The following PPFIA1 variants were observed in gnomAD, a reference collection of about 807,000 sequenced individuals.
PPFIA1 encodes liprin-alpha-1.
Under a neutral mutation model 149.9 loss-of-function variants are expected in PPFIA1, and 25 were observed. The observed-to-expected ratio is 0.17, with a 90% confidence interval of 0.12 to 0.23. PPFIA1 has a LOEUF of 0.23. Ranked by LOEUF, PPFIA1 falls within the 10% of genes least tolerant of loss-of-function variation. The pLI is 1.00. For synonymous variants in PPFIA1, 549 were observed against 552.8 expected, an observed-to-expected ratio of 0.99 and a Z score of 0.10; for missense variants, 1,362 against 1,506.5, an observed-to-expected ratio of 0.90 and a Z score of 1.59.
At chr11:70,282,707 T>C (rs2050840177) in intron 2 of PPFIA1, among the ~76,000 whole-genome samples, 1 of 151,504 alleles carries the variant, frequency 6.6e-6, no homozygotes, top group Admixed American at 6.6e-5. Context: ...TTTTGTTTTG[T>C]ATTTTTAGTA....
intron 2 of PPFIA1, among the ~76,000 whole-genome samples, chr11:70,311,841 T>G (rs1347684967): frequency 7.4e-6 from 1 of 134,314 alleles, no homozygotes; most frequent in Non-Finnish European, 1.5e-5. Context: ...GTCAGCTTTT[T>G]TTTTTTTTTT....
Position 70,308,276 on chromosome 11 carries a change from G to A in PPFIA1, c.265-16126G>A, listed in dbSNP as rs11235823. On this transcript the variant is annotated intron_variant, in intron 2 of 27. Coordinates refer to ENST00000253925, the MANE Select transcript of PPFIA1 (RefSeq NM_003626.5). Reference sequence around the variant, plus strand: ...TTGGTCAGGCTGGTCTCAAACTCCCGACCTCAAGTGATCTGCCTACCTTAG... The same window carrying A: ...TTGGTCAGGCTGGTCTCAAACTCCCAACCTCAAGTGATCTGCCTACCTTAG... Among the ~76,000 whole-genome samples, 10 of 152,274 alleles carry A rather than the reference G, an allele frequency of 6.6e-5. No individual in the cohort carries two copies. In the East Asian group the frequency reaches 1.5e-3, roughly 24 times the overall value.
chr11:70,373,887 C>G (rs1362192153), intron 23 of PPFIA1: 1 of 152,098 alleles, frequency 6.6e-6, no homozygotes, highest in Non-Finnish European at 1.5e-5. Flanking sequence ...TATGTATGGA[C>G]TTTTATCCAG....
At chr11:70,275,383 C>CT (rs1344272789) in intron 2 of PPFIA1, among the ~76,000 whole-genome samples, 2 of 152,166 alleles carry the variant, frequency 1.3e-5, no homozygotes, top group Middle Eastern at 3.2e-3. Context: ...TTGTGTTTGC[C>CT]TTTTCACTCT....
chr11:70,365,267 C>T (rs2056859783), intron 21 of PPFIA1: 3 of 379,224 alleles, frequency 7.9e-6, no homozygotes, highest in Middle Eastern at 3.8e-4. Context: ...GCGAACTTTG[C>T]CTCCTCGGCC....
At chr11:70,277,060 A>ATATTTT in intron 2 of PPFIA1, among the ~76,000 whole-genome samples, 89 of 66,296 alleles carry the variant, frequency 1.3e-3, no homozygotes, top group Middle Eastern at 0.022. Context: ...ATATATATAT[A>ATATTTT]TTTTTTTTTT....
intron 21 of PPFIA1, chr11:70,371,415 T>G (rs2135373096): frequency 1.3e-5 from 2 of 157,724 alleles, no homozygotes; most frequent in African/African-American, 4.8e-5. Context: ...CTATATTCTG[T>G]TGTTGAGTGG....
At chr11:70,335,434 A>T (rs1213525301) in intron 10 of PPFIA1, 129 bp from the exon 11 acceptor site, 1 of 1,056,456 alleles carries the variant, frequency 9.5e-7, no homozygotes, top group Non-Finnish European at 1.4e-6. Context: ...TCCACTCAAG[A>T]TGGCAGTGTG....
chr11:70,375,479 T>A (rs1330740585), intron 24 of PPFIA1: 1 of 154,940 alleles, frequency 6.5e-6, no homozygotes, highest in East Asian at 1.9e-4. Context: ...AACAGGGAAC[T>A]TTTATTCCTC....
At chr11:70,339,354 T>A in intron 14 of PPFIA1, 48 bp downstream of exon 14, 1 of 1,576,242 alleles carries the variant, frequency 6.3e-7, no homozygotes, top group Non-Finnish European at 8.6e-7. Context: ...AGTTACCTAC[T>A]TATCCCGTGG....
At chr11:70,382,050 C>G in intron 26 of PPFIA1, 38 bp from the exon 27 acceptor site, 1 of 1,598,768 alleles carries the variant, frequency 6.3e-7, no homozygotes, top group East Asian at 2.2e-5. Context: ...TAACTGCACG[C>G]TGTGTTTGCA....
intron 14 of PPFIA1, among the ~76,000 whole-genome samples, chr11:70,339,806 G>C (rs2055202967): frequency 6.6e-6 from 1 of 152,162 alleles, no homozygotes. Flanking sequence ...CCTGAGGTCA[G>C]GAGTTTGAGA....
At chr11:70,279,945 G>A (rs1236301163) in intron 2 of PPFIA1, among the ~76,000 whole-genome samples, 2 of 135,670 alleles carry the variant, frequency 1.5e-5, no homozygotes, top group East Asian at 4.0e-4. Flanking sequence ...GTCTCGCTCT[G>A]TTGCCCAGGC....
chr11:70,373,764 C>T (rs2057371028), intron 23 of PPFIA1: 1 of 152,036 alleles, frequency 6.6e-6, no homozygotes. Flanking sequence ...AAGAAAGAAA[C>T]TAAGGATAAA....
chr11:70,380,066 T>C (rs2057646428), intron 26 of PPFIA1, among the ~76,000 whole-genome samples: 1 of 152,226 alleles, frequency 6.6e-6, no homozygotes, highest in Non-Finnish European at 1.5e-5. Flanking sequence ...CACATCTCCC[T>C]TGTTAAATGT....
intron 2 of PPFIA1, among the ~76,000 whole-genome samples, chr11:70,281,477 C>G (rs1219308310): frequency 5.3e-5 from 8 of 152,292 alleles, no homozygotes; most frequent in Admixed American, 3.9e-4. Flanking sequence ...TCCTTAACGC[C>G]ATGAGACTAC....
intron 16 of PPFIA1, among the ~76,000 whole-genome samples, chr11:70,353,365 C>T (rs2056180450): frequency 6.6e-6 from 1 of 152,168 alleles, no homozygotes; most frequent in African/African-American, 2.4e-5. Flanking sequence ...GGAATCACAG[C>T]AAGAACCTGG....
At chr11:70,378,317 C>T (rs556015559) in intron 26 of PPFIA1, 122 bp downstream of exon 26, 1 of 1,370,900 alleles carries the variant, frequency 7.3e-7, no homozygotes, top group South Asian at 2.2e-5. Flanking sequence ...AGTATGGTTG[C>T]ATGTCCAAAT....
chr11:70,349,786 G>T, intron 16 of PPFIA1: 1 of 380,904 alleles, frequency 2.6e-6, no homozygotes, highest in Non-Finnish European at 5.1e-6. Context: ...GCTTATTTCT[G>T]TCCAGAGAAT....
Sources: gnomAD v4.1 joint callset for allele counts (sites outside exome capture counted in the v4.1 genomes callset) on GRCh38, gnomAD v4.1.1 for gene constraint, MANE v1.5 for transcripts, NCBI Gene and HGNC (gene_info 2026-07-23, HGNC 2026-07-21) for gene names.